MCPH1: variants seen among roughly 807,000 people sequenced by gnomAD.
MCPH1 encodes the protein microcephalin.
In MCPH1, 104 loss-of-function variants were observed where a neutral mutation model predicts 84.5. The observed-to-expected ratio is 1.23, with a 90% CI of 1.05 to 1.45. MCPH1 has a LOEUF of 1.45. Ranked by LOEUF, MCPH1 falls within the 40% of genes most tolerant of loss-of-function variation. The pLI, the probability that MCPH1 is intolerant of heterozygous loss-of-function variation, is 0.00. For missense variants in MCPH1, 1,498 were observed against 1,005.7 expected (o/e 1.49, Z -6.62); for synonymous variants, 514 against 366.8 (o/e 1.40, Z -4.58).
At chr8:6,625,494 AC>A (rs1831975452) in intron 13 of MCPH1, 1 of 984,926 alleles carries the variant, frequency 1.0e-6, no homozygotes, top group Non-Finnish European at 1.2e-6. Context: ...AATATATCAA[AC>A]CATTTTAAAG....
chr8:6,549,259 C>A (rs760646796), intron 12 of MCPH1, among the ~76,000 whole-genome samples: 4 of 152,152 alleles, frequency 2.6e-5, no homozygotes, highest in Non-Finnish European at 4.4e-5. Flanking sequence ...TGTTATACAG[C>A]GAAACACTGC....
chr8:6,574,383 A>G (rs1351994495), intron 12 of MCPH1, among the ~76,000 whole-genome samples: 2 of 152,114 alleles, frequency 1.3e-5, no homozygotes, highest in Non-Finnish European at 2.9e-5. Flanking sequence ...ATGCAGTCAC[A>G]TTGGATTAAG....
chr8:6,612,290 T>C (rs938135134), intron 12 of MCPH1, among the ~76,000 whole-genome samples: 1 of 149,338 alleles, frequency 6.7e-6, no homozygotes, highest in African/African-American at 2.4e-5. Flanking sequence ...ATTCTGCCTA[T>C]TTAAGCCAAG....
chr8:6,646,352 G>A lies in MCPH1; in HGVS notation c.*3303G>A, dbSNP rs1018103121. The A allele has an allele frequency of 6.6e-6, 1 of 152,164 alleles. No homozygotes were observed. The highest frequency in any genetic ancestry group is 2.4e-5 in the African/African-American group (1 of 41,440). The allele number at this position is 152,164 out of a possible 1,614,324, so 9.4% of individuals were successfully genotyped here. A position where few individuals can be genotyped will look rare whatever the true frequency, so the allele number is the denominator to read the frequency against. On this transcript the variant is annotated 3_prime_UTR_variant, in exon 14 of 14. Coordinates refer to ENST00000344683, the MANE Select transcript of MCPH1 (RefSeq NM_024596.5). Reference sequence around the variant, plus strand: ...GAAGCAGAATAGCTTGAACCCAAGAGAGTCCAGCTCAAAAACAACAACAAG... The same window carrying A: ...GAAGCAGAATAGCTTGAACCCAAGAAAGTCCAGCTCAAAAACAACAACAAG...
chr8:6,517,369 C>T (rs1390656801), intron 12 of MCPH1, among the ~76,000 whole-genome samples: 1 of 152,194 alleles, frequency 6.6e-6, no homozygotes, highest in Non-Finnish European at 1.5e-5. Flanking sequence ...ACCATAGAGA[C>T]AACCGTTAGG....
rs146351889 is a variant in MCPH1, at chr8:6,409,264, A to G, written c.23-15A>G. The G allele has an allele frequency of 0.013, 20,254 of 1,594,366 alleles. 186 individuals are homozygous for G. Among genetic ancestry groups the G allele is most frequent in the African/African-American group, 0.021 (1,530 of 74,624 alleles). ...AATTTCAAATGTATGTTTCATGTTC[A>G]TATCTTGTTTTCAGATGTAGTGGCC... On this transcript the variant is annotated splice_polypyrimidine_tract_variant and intron_variant, in intron 1 of 13. Transcript: ENST00000344683.
chr8:6,589,319 A>C (rs1288007044), intron 12 of MCPH1, among the ~76,000 whole-genome samples: 1 of 152,156 alleles, frequency 6.6e-6, no homozygotes, highest in African/African-American at 2.4e-5. Flanking sequence ...AAAAATTGGG[A>C]CAATGATAGT....
chr8:6,407,328 T>C (rs1421283304), intron 1 of MCPH1, among the ~76,000 whole-genome samples: 1 of 152,136 alleles, frequency 6.6e-6, no homozygotes, highest in East Asian at 1.9e-4. Flanking sequence ...CTGATTTTTT[T>C]AACCGCTCTA....
chr8:6,600,817 C>A (rs1367407136), intron 12 of MCPH1, among the ~76,000 whole-genome samples: 1 of 152,190 alleles, frequency 6.6e-6, no homozygotes, highest in Admixed American at 6.5e-5. Flanking sequence ...CCTTCAGTTC[C>A]TTTACAGCTA....
rs1282645442 is a variant in MCPH1 at position 6,505,340 on chromosome 8, A to T, written c.2214+5411A>T. On this transcript the variant is annotated intron_variant, in intron 12 of 13. Transcript: ENST00000344683. Reference sequence around the variant, plus strand: ...TATATGTTATATACATATAGAAAGAATATATATATTCTTTCTATATGTATA... The same window carrying T: ...TATATGTTATATACATATAGAAAGATTATATATATTCTTTCTATATGTATA... 1.1e-3 allele frequency among the ~76,000 whole-genome samples: 47 copies of T among 40,944 alleles called. 7 individuals carry two copies. Among genetic ancestry groups the T allele is most frequent in the East Asian group, 2.9e-3 (8 of 2,770 alleles). The allele number at this position is 40,944 out of a possible 152,430, so 26.9% of individuals were successfully genotyped here.
intron 9 of MCPH1, among the ~76,000 whole-genome samples, chr8:6,461,568 G>A (rs533828711): frequency 6.6e-6 from 1 of 151,258 alleles, no homozygotes; most frequent in Non-Finnish European, 1.5e-5. Flanking sequence ...TTGAACTCCT[G>A]ACCTCAAGTG....
At chr8:6,406,821 C>A in intron 1 of MCPH1, 132 bp downstream of exon 1, 1 of 899,470 alleles carries the variant, frequency 1.1e-6, no homozygotes, top group South Asian at 1.4e-5. Flanking sequence ...TCCCCCAGAC[C>A]CCCTGCCGCC....
At chr8:6,578,755 G>C (rs1434455499) in intron 12 of MCPH1, among the ~76,000 whole-genome samples, 3 of 152,178 alleles carry the variant, frequency 2.0e-5, no homozygotes, top group Non-Finnish European at 2.9e-5. Context: ...CCACTTCTCA[G>C]GAAGACAAGG....
chr8:6,536,049 C>T (rs2129572571), intron 12 of MCPH1, among the ~76,000 whole-genome samples: 1 of 151,940 alleles, frequency 6.6e-6, no homozygotes, highest in African/African-American at 2.4e-5. Flanking sequence ...AGAGTGAGAC[C>T]TTGTCTCAAA....
intron 11 of MCPH1, among the ~76,000 whole-genome samples, chr8:6,495,764 TTAAAG>T (rs1346908472): frequency 2.6e-5 from 4 of 152,348 alleles, no homozygotes; most frequent in South Asian, 2.1e-4. Flanking sequence ...CTTTCAGTGA[TTAAAG>T]TAAAGATGTG....
chr8:6,423,661 T>C (rs912104326), intron 3 of MCPH1, among the ~76,000 whole-genome samples: 2 of 152,242 alleles, frequency 1.3e-5, no homozygotes, highest in African/African-American at 4.8e-5. Context: ...AGCTTCTGTA[T>C]GTATTACCTT....
At chr8:6,625,427 A>G in intron 13 of MCPH1, 2 of 985,450 alleles carry the variant, frequency 2.0e-6, no homozygotes, top group Non-Finnish European at 2.4e-6. Flanking sequence ...CCATTATAAC[A>G]AATGCTTCTC....
intron 13 of MCPH1, among the ~76,000 whole-genome samples, chr8:6,639,891 T>G (rs1172854843): frequency 6.6e-6 from 1 of 152,048 alleles, no homozygotes; most frequent in East Asian, 1.9e-4. Flanking sequence ...TTATTTTCAT[T>G]GTTTTGCTAT....
chr8:6,490,079 A>G (rs1810390724), intron 11 of MCPH1, among the ~76,000 whole-genome samples: 1 of 61,478 alleles, frequency 1.6e-5, no homozygotes, highest in African/African-American at 6.9e-5. Context: ...GTTCCCCAAC[A>G]TTTGCCTTAT....
Sources: gnomAD v4.1 joint callset for allele counts (sites outside exome capture counted in the v4.1 genomes callset) on GRCh38, gnomAD v4.1.1 for gene constraint, MANE v1.5 for transcripts, NCBI Gene and HGNC (gene_info 2026-07-23, HGNC 2026-07-21) for gene names.